The following DPYD variants were observed in gnomAD, a reference collection of about 807,000 sequenced individuals.
DPYD encodes dihydropyrimidine dehydrogenase.
A neutral mutation model predicts 116.2 loss-of-function variants in DPYD; 109 were observed. That is an observed-to-expected ratio of 0.94 (90% CI 0.80 to 1.10). The LOEUF (loss-of-function observed/expected upper bound fraction) is 1.10, where lower values mean the gene tolerates loss of function less well. DPYD is among the 50% of genes least tolerant of loss of function. The probability of loss-of-function intolerance (pLI) is 0.00; values close to 1 mark genes in which losing one functional copy is unlikely to be tolerated. For missense variants in DPYD, 1,302 were observed against 1,254.5 expected, an observed-to-expected ratio of 1.04 and a Z score of -0.57; for synonymous variants, 440 against 432.0, an observed-to-expected ratio of 1.02 and a Z score of -0.23.
chr1:97,704,785 A>AT (rs1661823823), intron 5 of DPYD, among the ~76,000 whole-genome samples: 2 of 151,974 alleles, frequency 1.3e-5, no homozygotes, highest in African/African-American at 4.8e-5. Flanking sequence ...TCAGTTGTCC[A>AT]TCAACTGACT....
At chr1:97,268,830 C>A (rs931208720) in intron 18 of DPYD, among the ~76,000 whole-genome samples, 2 of 152,170 alleles carry the variant, frequency 1.3e-5, no homozygotes, top group Admixed American at 1.3e-4. Context: ...ATGAATAAAA[C>A]CTGGATTTCT....
chr1:97,315,693 G>A (rs186274304), intron 16 of DPYD, among the ~76,000 whole-genome samples: 166 of 152,008 alleles, frequency 1.1e-3, no homozygotes, highest in African/African-American at 3.8e-3. Flanking sequence ...AGAAAGCTAC[G>A]CTGAATCCAA....
In DPYD at chr1:97,272,535, C is replaced by T. The variant is rs1296604596; in HGVS notation, c.2299+32724G>A. ...TGATTAACTACTGGAAAACTTTGTT[C>T]AATCCCTTGAGTTATTTTTAATCTC... is the stretch of plus-strand genomic sequence containing the variant. On this transcript the variant is annotated intron_variant, in intron 18 of 22. Coordinates refer to ENST00000370192, the MANE Select transcript of DPYD (RefSeq NM_000110.4). Among the ~76,000 whole-genome samples, 3 of 152,080 alleles carry T rather than the reference C, an allele frequency of 2.0e-5. No individual in the cohort carries two copies. In the East Asian group the frequency reaches 5.8e-4, roughly 29 times the overall value.
intron 20 of DPYD, among the ~76,000 whole-genome samples, chr1:97,134,583 G>A (rs944816277): frequency 5.3e-5 from 8 of 152,206 alleles, no homozygotes; most frequent in African/African-American, 1.7e-4. Flanking sequence ...TGGGGAGGAA[G>A]AGGAGGAAAC....
intron 18 of DPYD, among the ~76,000 whole-genome samples, chr1:97,254,218 A>G (rs946088525): frequency 8.5e-5 from 13 of 152,164 alleles, no homozygotes; most frequent in African/African-American, 2.7e-4. Context: ...CCTTCCTTCA[A>G]TAAGTTGATA....
intron 18 of DPYD, among the ~76,000 whole-genome samples, chr1:97,290,254 T>C (rs1371960651): frequency 1.3e-5 from 2 of 152,006 alleles, no homozygotes; most frequent in Non-Finnish European, 2.9e-5. Flanking sequence ...AAAATGGCCA[T>C]ACTGCCCAAG....
intron 18 of DPYD, among the ~76,000 whole-genome samples, chr1:97,291,008 C>T (rs1007365268): frequency 2.0e-5 from 3 of 152,082 alleles, no homozygotes; most frequent in African/African-American, 4.8e-5. Context: ...CAAACAACCC[C>T]ATCAAAAAGT....
At chr1:97,349,945 C>CCA in intron 16 of DPYD, among the ~76,000 whole-genome samples, 1 of 134,734 alleles carries the variant, frequency 7.4e-6, no homozygotes, top group African/African-American at 2.8e-5. Flanking sequence ...TAAAAGAATC[C>CCA]AAAAAAAAAA....
chr1:97,323,454 AT>A lies in DPYD; in HGVS notation c.2059-17158del, dbSNP rs1570522826. 7.7e-5 allele frequency among the ~76,000 whole-genome samples: 8 copies of A among 103,688 alleles called. No individual in the cohort carries two copies. The East Asian group carries it at 1.8e-3, about 23-fold the overall frequency. The allele number at this position is 103,688 out of a possible 152,430, so 68.0% of individuals were successfully genotyped here. A position where few individuals can be genotyped will look rare whatever the true frequency, so the allele number is the denominator to read the frequency against. On this transcript the variant is annotated intron_variant, in intron 16 of 22. Transcript: ENST00000370192. ...TGTGTATATGTACACGTATATACAT[AT>A]CATATATACATATATGTGTATATAT... is the stretch of plus-strand genomic sequence containing the variant.
At chr1:97,303,949 C>A (rs1200979405) in intron 18 of DPYD, among the ~76,000 whole-genome samples, 3 of 151,974 alleles carry the variant, frequency 2.0e-5, no homozygotes, top group Non-Finnish European at 4.4e-5. Flanking sequence ...TTAAAGACTG[C>A]AACACAAAAG....
chr1:97,685,763 A>C (rs1660691283), intron 7 of DPYD, among the ~76,000 whole-genome samples: 1 of 152,192 alleles, frequency 6.6e-6, no homozygotes, highest in African/African-American at 2.4e-5. Flanking sequence ...ATACCTAGAA[A>C]TACAACTAAC....
chr1:97,464,457 C>G (rs992413720), intron 13 of DPYD, among the ~76,000 whole-genome samples: 3 of 152,146 alleles, frequency 2.0e-5, no homozygotes, highest in Non-Finnish European at 4.4e-5. Flanking sequence ...GTGGCAGCCT[C>G]TCCTATCACA....
intron 5 of DPYD, among the ~76,000 whole-genome samples, chr1:97,706,373 A>AT (rs1265095321): frequency 6.6e-6 from 1 of 152,132 alleles, no homozygotes; most frequent in African/African-American, 2.4e-5. Flanking sequence ...CATCCTCTCC[A>AT]TAGTGGTACA....
At chr1:97,462,443 T>C (rs190674349) in intron 13 of DPYD, among the ~76,000 whole-genome samples, 12 of 152,172 alleles carry the variant, frequency 7.9e-5, no homozygotes. Context: ...CCCCCAATCA[T>C]ATGAATAGGC....
intron 21 of DPYD, among the ~76,000 whole-genome samples, chr1:97,094,169 T>A (rs1271403940): frequency 6.6e-6 from 1 of 152,014 alleles, no homozygotes; most frequent in Non-Finnish European, 1.5e-5. Context: ...TTCTCATCAT[T>A]CCATTGAAGC....
chr1:97,442,053 C>A (rs1675826630), intron 14 of DPYD, among the ~76,000 whole-genome samples: 1 of 152,130 alleles, frequency 6.6e-6, no homozygotes, highest in Non-Finnish European at 1.5e-5. Context: ...CATGTCATTC[C>A]TCCTTTTTTC....
intron 16 of DPYD, among the ~76,000 whole-genome samples, chr1:97,315,907 T>C (rs1034360718): frequency 1.1e-4 from 16 of 151,906 alleles, no homozygotes; most frequent in Admixed American, 7.9e-4. Flanking sequence ...AGGGACATGG[T>C]AGGAGACAAT....
In DPYD at chr1:97,760,796, T is replaced by C. The variant is rs149000853; in HGVS notation, c.234-20317A>G. On this transcript the variant is annotated intron_variant, in intron 3 of 22. Transcript: ENST00000370192. ...CTCCAGGTTCTGAAGCAAGCAGAGA[T>C]AGCCTAGAATCAACTCTGCTAGTGT... Among the ~76,000 whole-genome samples the C allele has an allele frequency of 7.5e-3, 1,149 of 152,202 alleles. 11 individuals are homozygous for C. The highest frequency in any genetic ancestry group is 0.025 in the African/African-American group (1,049 of 41,548).
chr1:97,629,667 G>A (rs1657135886), intron 8 of DPYD, among the ~76,000 whole-genome samples: 1 of 151,620 alleles, frequency 6.6e-6, no homozygotes, highest in Admixed American at 6.6e-5. Flanking sequence ...ATTTAAAATA[G>A]TGTCTCTCCA....
Sources: gnomAD v4.1 joint callset for allele counts (sites outside exome capture counted in the v4.1 genomes callset) on GRCh38, gnomAD v4.1.1 for gene constraint, MANE v1.5 for transcripts, NCBI Gene and HGNC (gene_info 2026-07-23, HGNC 2026-07-21) for gene names.